SYNE2: variants seen among roughly 807,000 people sequenced by gnomAD.
SYNE2 encodes the protein nesprin-2.
In SYNE2, 431 loss-of-function variants were observed where a neutral mutation model predicts 856.3. The observed-to-expected ratio is 0.50, with a 90% CI of 0.47 to 0.55. The LOEUF is 0.55. Ranked by LOEUF, SYNE2 falls within the 20% of genes least tolerant of loss-of-function variation. SYNE2 has a pLI of 0.00. For missense variants in SYNE2, 8,129 were observed against 8,023.2 expected (o/e 1.01, Z -0.50); for synonymous variants, 2,923 against 2,872.3 (o/e 1.02, Z -0.56).
chr14:64,107,091 G>A (rs1429625755), intron 64 of SYNE2, among the ~76,000 whole-genome samples: 2 of 152,174 alleles, frequency 1.3e-5, no homozygotes, highest in African/African-American at 4.8e-5. Flanking sequence ...CTGAGCACAA[G>A]CAATTCTTCT....
rs764128650 is a variant in SYNE2, at chr14:63,954,799, G to T, written c.671G>T (p.Arg224Leu). The T allele has an allele frequency of 6.2e-7, 1 of 1,613,928 alleles. No individual in the cohort carries two copies. Among genetic ancestry groups the T allele is most frequent in the Non-Finnish European group, 8.5e-7 (1 of 1,179,982 alleles). The change falls in exon 8 of 116, where the codon CGA (arginine) becomes CTA (leucine). Residue 224 changes from arginine to leucine, a missense_variant. Around this residue, in one of 3 missense-constraint regions of SYNE2, gnomAD observed 2,422 missense variants for 2,357.4 expected, o/e 1.03. Coordinates refer to ENST00000555002, the MANE Select transcript of SYNE2 (RefSeq NM_182914.3). ...MAFLAIIHAL[R>L]PDLIDMKSVK... ...TTTTTGGCCATCATTCATGCCTTGC[G>T]ACCAGACCTAATTGACATGAAGAGT...
intron 87 of SYNE2, 33 bp from the exon 88 acceptor site, chr14:64,162,039 A>G: frequency 6.2e-7 from 1 of 1,613,084 alleles, no homozygotes; most frequent in East Asian, 2.2e-5. Flanking sequence ...AAAGGAGAGA[A>G]TGAGGGTTAT....
intron 1 of SYNE2, among the ~76,000 whole-genome samples, chr14:63,832,866 C>CAAAAAA (rs36099684): frequency 4.6e-5 from 3 of 64,744 alleles, no homozygotes; most frequent in African/African-American, 1.2e-4. Context: ...CTGTCTCTAC[C>CAAAAAA]AAAAAAAAAA....
In SYNE2 at chr14:64,007,752, T is replaced by G. The variant is rs2096808909; in HGVS notation, c.4577+530T>G. 1.3e-5 allele frequency among the ~76,000 whole-genome samples: 2 copies of G among 152,270 alleles called. 1 individual carries two copies. The highest frequency in any genetic ancestry group is 4.1e-4 in the South Asian group (2 of 4,820). On this transcript the variant is annotated intron_variant, in intron 31 of 115. Coordinates refer to ENST00000555002, the MANE Select transcript of SYNE2 (RefSeq NM_182914.3). Reference sequence around the variant, plus strand: ...ATTGGCCGGACACAGTTCTCATGCCTGTAATCCCAGCACTTTGGGAGGCTG... The same window carrying G: ...ATTGGCCGGACACAGTTCTCATGCCGGTAATCCCAGCACTTTGGGAGGCTG...
intron 11 of SYNE2, among the ~76,000 whole-genome samples, 162 bp from the exon 12 acceptor site, chr14:63,976,395 TTAAAAC>T (rs558010017): frequency 2.7e-3 from 417 of 152,282 alleles, no homozygotes; most frequent in Non-Finnish European, 4.8e-3. Flanking sequence ...TAAGTGATAT[TTAAAAC>T]TAAGAAATTT....
Position 64,146,095 on chromosome 14 carries a change from A to G in SYNE2, c.15511A>G (p.Ser5171Gly). The G allele has an allele frequency of 1.3e-6, 2 of 1,590,480 alleles. No homozygotes were observed. The highest frequency in any genetic ancestry group is 1.7e-6 in the Non-Finnish European group (2 of 1,164,466). Residue 5171 changes from serine (S) to glycine (G), a missense_variant, in exon 84 of 116, where the codon AGT becomes GGT. Ser to Gly is a moderately conservative substitution (Grantham distance 56, BLOSUM62 0). Transcript: ENST00000555002. ...KIQHLEQLLESITESENKIQI... is the reference protein window; with the variant it reads ...KIQHLEQLLEGITESENKIQI... ...ACAACATTTAGAACAACTTCTAGAA[A>G]GTATCACTGAGAGTGAAAATAAAAT...
At chr14:63,992,460 TA>T (rs1173095599) in intron 21 of SYNE2, among the ~76,000 whole-genome samples, 3 of 151,990 alleles carry the variant, frequency 2.0e-5, no homozygotes, top group Non-Finnish European at 4.4e-5. Context: ...AAATTTTTTT[TA>T]TAGAGAAAGG....
rs1064797188 is a variant in SYNE2 at position 64,003,330 on chromosome 14, G to A, written c.4397G>A (p.Arg1466Gln). ...CCTACTGTTCCAGCTGTGAAACATC[G>A]GTAAGTATTGTCCATCCATTTCCAT... Reference protein sequence around the residue: ...KDPTVPAVKHRKKSLIRLDKV... With the variant: ...KDPTVPAVKHQKKSLIRLDKV... Residue 1466 changes from arginine to glutamine, a missense_variant and splice_region_variant, in exon 30 of 116, where the codon CGG becomes CAG. Arg to Gln is a conservative substitution (Grantham distance 43, BLOSUM62 1). Coordinates refer to ENST00000555002, the MANE Select transcript of SYNE2 (RefSeq NM_182914.3). 8 of 1,613,948 alleles carry A rather than the reference G, an allele frequency of 5.0e-6. No homozygotes were observed. Among genetic ancestry groups the A allele is most frequent in the South Asian group, 2.2e-5 (2 of 91,058 alleles).
At chr14:64,075,688 G>A (rs1358900436) in intron 53 of SYNE2, 2 of 442,382 alleles carry the variant, frequency 4.5e-6, no homozygotes, top group East Asian at 4.4e-5. Flanking sequence ...TAGAAGCAGG[G>A]GGTGTTGTAA....
intron 3 of SYNE2, 65 bp from the exon 4 acceptor site, chr14:63,941,630 G>C: frequency 7.3e-7 from 1 of 1,365,188 alleles, no homozygotes; most frequent in South Asian, 1.2e-5. Flanking sequence ...ACATTTATGA[G>C]ATTCTTAAAG....
At position 64,002,015 on chromosome 14, in the gene SYNE2, T is replaced by C. The variant is rs1426432529; in HGVS notation, c.3720T>C (p.Pro1240=). ...TTCTTCTCTGTGGCTCGGACCTGCCTCTCCATAAAATGGCCATCCAGGGAT... is the reference window on the plus strand; with the variant it reads ...TTCTTCTCTGTGGCTCGGACCTGCCCCTCCATAAAATGGCCATCCAGGGAT... ...ASLLLCGSDL[P]LHKMAIQGFH... is the part of the protein sequence containing the mutation. The change falls in exon 29 of 116, where the codon CCT becomes CCC. Residue 1240 remains proline, a synonymous_variant. Transcript: ENST00000555002. 1 of 1,614,006 alleles carries C rather than the reference T, an allele frequency of 6.2e-7. No homozygotes were observed. The highest frequency in any genetic ancestry group is 1.7e-5 in the Admixed American group (1 of 60,024).
chr14:64,081,182 C>G (rs2097520515), intron 56 of SYNE2, among the ~76,000 whole-genome samples: 1 of 152,178 alleles, frequency 6.6e-6, no homozygotes, highest in Non-Finnish European at 1.5e-5. Flanking sequence ...AGAATACTTG[C>G]AAGGCTAACC....
Position 64,214,331 on chromosome 14 carries a change from C to T in SYNE2, c.19194C>T (p.Ala6398=), listed in dbSNP as rs144599409. 223 of 1,613,954 alleles carry T rather than the reference C, an allele frequency of 1.4e-4. 1 individual carries two copies. The highest frequency in any genetic ancestry group is 1.9e-5 in the Non-Finnish European group (23 of 1,180,016). Reference sequence around the variant, plus strand: ...CTCAGTCCCTGTGTCATCTAGTGGCCCCAGGGCACGAGCGGTCTGGCTGCG... The same window carrying T: ...CTCAGTCCCTGTGTCATCTAGTGGCTCCAGGGCACGAGCGGTCTGGCTGCG... The part of the protein sequence containing the change: ...SSPQSLCHLV[A]PGHERSGCET... Residue 6398 remains alanine, a synonymous_variant, in exon 106 of 116, where the codon GCC becomes GCT. Coordinates refer to ENST00000555002, the MANE Select transcript of SYNE2 (RefSeq NM_182914.3).
chr14:64,203,701 T>C (rs1247894723), intron 100 of SYNE2, among the ~76,000 whole-genome samples: 1 of 152,246 alleles, frequency 6.6e-6, no homozygotes, highest in Middle Eastern at 3.2e-3. Flanking sequence ...TTTCTTTAGC[T>C]TTTGTTCACC....
intron 45 of SYNE2, among the ~76,000 whole-genome samples, chr14:64,039,807 A>C (rs1363628404): frequency 6.6e-6 from 1 of 152,174 alleles, no homozygotes; most frequent in Non-Finnish European, 1.5e-5. Flanking sequence ...TGAGATATCC[A>C]GGGGCTTAGA....
intron 1 of SYNE2, among the ~76,000 whole-genome samples, chr14:63,811,464 C>A (rs774723580): frequency 2.6e-5 from 4 of 151,970 alleles, no homozygotes; most frequent in Admixed American, 6.6e-5. Context: ...TGTTTTGCCA[C>A]ATTGCCCAGG....
At chr14:63,966,673 T>G (rs971190084) in intron 10 of SYNE2, among the ~76,000 whole-genome samples, 1 of 151,146 alleles carries the variant, frequency 6.6e-6, no homozygotes, top group African/African-American at 2.4e-5. Context: ...ACTCTCCCAC[T>G]TCTGCCTCTT....
chr14:64,012,289 C>T (rs2153519851), intron 32 of SYNE2, among the ~76,000 whole-genome samples: 1 of 152,250 alleles, frequency 6.6e-6, no homozygotes, highest in Admixed American at 6.5e-5. Context: ...TTCAGCTTTC[C>T]AGCTTCCCAA....
chr14:64,047,756 T>G (rs2153571190), intron 45 of SYNE2, among the ~76,000 whole-genome samples: 1 of 152,352 alleles, frequency 6.6e-6, no homozygotes, highest in South Asian at 2.1e-4. Context: ...CTATAGATTT[T>G]GCTTCAGTAT....
Sources: allele counts gnomAD v4.1 joint callset (sites outside exome capture counted in the v4.1 genomes callset), GRCh38; gene constraint gnomAD v4.1.1; regional missense constraint gnomAD v4.1.1; transcripts MANE v1.5; gene names NCBI Gene and HGNC (gene_info 2026-07-23, HGNC 2026-07-21).